SLX4IP: variants seen among roughly 807,000 people sequenced by gnomAD.
SLX4IP encodes protein SLX4IP.
In SLX4IP, 34 loss-of-function variants were observed where a neutral mutation model predicts 32.9. That is an observed-to-expected ratio of 1.03 (90% CI 0.79 to 1.38). The LOEUF is 1.38. Among genes scored for constraint, SLX4IP ranks in the 40% most tolerant of loss-of-function variants. The pLI, the probability that SLX4IP is intolerant of heterozygous loss-of-function variation, is 0.00. For missense variants in SLX4IP, 444 were observed against 479.0 expected (o/e 0.93, Z 0.68); for synonymous variants, 172 against 171.7 (o/e 1.00, Z -0.01).
At position 10,493,859 on chromosome 20, in the gene SLX4IP, C is replaced by CTTTTTTTTTT. The variant is rs58299545; in HGVS notation, c.27+35641_27+35650dup. ...ACTGAAGTGTTTTTTTTATAGTTGC[C>CTTTTTTTTTT]TTTTTTTTTTTTTTTTTTTTTTGAG... On this transcript the variant is annotated intron_variant, in intron 2 of 7. Transcript: ENST00000334534. 1.7e-3 allele frequency among the ~76,000 whole-genome samples: 122 copies of CTTTTTTTTTT among 70,540 alleles called. 7 individuals are homozygous for CTTTTTTTTTT. The highest frequency in any genetic ancestry group is 5.1e-3 in the East Asian group (12 of 2,360). The allele number at this position is 70,540 out of a possible 152,430, so 46.3% of individuals were successfully genotyped here.
At chr20:10,447,368 C>CTT (rs768791902) in intron 1 of SLX4IP, among the ~76,000 whole-genome samples, 1 of 152,030 alleles carries the variant, frequency 6.6e-6, no homozygotes, top group African/African-American at 2.4e-5. Context: ...GTGTCTTGAT[C>CTT]TTTTTTAGTC....
chr20:10,445,957 T>TTA (rs1568684325), intron 1 of SLX4IP, among the ~76,000 whole-genome samples: 1 of 142,952 alleles, frequency 7.0e-6, no homozygotes, highest in African/African-American at 2.6e-5. Flanking sequence ...TTTTTTTTTT[T>TTA]AACTCAGCCT....
At chr20:10,436,495 T>C (rs1453530987) in intron 1 of SLX4IP, among the ~76,000 whole-genome samples, 1 of 152,110 alleles carries the variant, frequency 6.6e-6, no homozygotes, top group Non-Finnish European at 1.5e-5. Context: ...TAGCTGGGAT[T>C]ACAGGCGCGC....
intron 2 of SLX4IP, among the ~76,000 whole-genome samples, chr20:10,513,866 C>T (rs1326589962): frequency 2.6e-5 from 4 of 152,194 alleles, no homozygotes; most frequent in Admixed American, 2.6e-4. Context: ...GAGAGTGGCC[C>T]ACACTAGTCT....
chr20:10,468,259 C>G (rs1283325962), intron 2 of SLX4IP, among the ~76,000 whole-genome samples: 3 of 152,172 alleles, frequency 2.0e-5, no homozygotes, highest in African/African-American at 4.8e-5. Flanking sequence ...CTTAGAAATT[C>G]AAGCCTTTAT....
intron 3 of SLX4IP, among the ~76,000 whole-genome samples, chr20:10,559,286 T>C (rs2066305515): frequency 6.6e-6 from 1 of 152,238 alleles, no homozygotes; most frequent in Admixed American, 6.5e-5. Flanking sequence ...GTTTGTACTT[T>C]ATCTAGAAAC....
At chr20:10,438,484 T>G (rs1032479566) in intron 1 of SLX4IP, among the ~76,000 whole-genome samples, 1 of 146,612 alleles carries the variant, frequency 6.8e-6, no homozygotes, top group Non-Finnish European at 1.5e-5. Flanking sequence ...TTTTTTTTTT[T>G]TTTTTTTTTT....
intron 2 of SLX4IP, among the ~76,000 whole-genome samples, chr20:10,488,137 C>CA: frequency 6.6e-6 from 1 of 152,226 alleles, no homozygotes; most frequent in Non-Finnish European, 1.5e-5. Flanking sequence ...TATCCCTTCC[C>CA]AAAAATGTAT....
rs367645432 is a variant in SLX4IP, at chr20:10,445,562, G to A, written c.-30+10109G>A. Among the ~76,000 whole-genome samples the A allele has an allele frequency of 5.7e-4, 85 of 149,884 alleles. No individual in the cohort carries two copies. In the South Asian group the frequency reaches 0.011, roughly 20 times the overall value. On this transcript the variant is annotated intron_variant, in intron 1 of 7. Coordinates refer to ENST00000334534, the MANE Select transcript of SLX4IP (RefSeq NM_001009608.3). ...GAACTCCTGACCTCATGATCCGCCC[G>A]CCTCAGCCTCCCAAAGTGCTGGGAT...
At chr20:10,464,343 C>T (rs2065363022) in intron 2 of SLX4IP, among the ~76,000 whole-genome samples, 1 of 151,956 alleles carries the variant, frequency 6.6e-6, no homozygotes, top group African/African-American at 2.4e-5. Context: ...TTTGATATGT[C>T]GTTTTAATAT....
intron 4 of SLX4IP, among the ~76,000 whole-genome samples, chr20:10,598,213 A>C (rs1380404776): frequency 6.6e-6 from 1 of 152,166 alleles, no homozygotes; most frequent in African/African-American, 2.4e-5. Flanking sequence ...CAAGATAGTA[A>C]TGTTCACCCT....
chr20:10,544,839 AT>A (rs1486437979), intron 2 of SLX4IP, among the ~76,000 whole-genome samples: 1 of 152,182 alleles, frequency 6.6e-6, no homozygotes, highest in Non-Finnish European at 1.5e-5. Context: ...GTGAAACTTC[AT>A]CAGGTATTTT....
intron 2 of SLX4IP, among the ~76,000 whole-genome samples, chr20:10,538,825 C>T (rs962553949): frequency 6.6e-6 from 1 of 152,198 alleles, no homozygotes; most frequent in Non-Finnish European, 1.5e-5. Flanking sequence ...CCGCACCAGA[C>T]CTTCTTTGGC....
intron 6 of SLX4IP, chr20:10,613,397 T>A: frequency 6.6e-7 from 1 of 1,523,252 alleles, no homozygotes. Context: ...TACAATGGCA[T>A]CAATTTACAC....
At position 10,622,889 on chromosome 20, in the gene SLX4IP, C is replaced by T. The variant is rs751759505; in HGVS notation, c.737C>T (p.Thr246Ile). 4.3e-6 allele frequency: 7 copies of T among 1,613,988 alleles called. No individual in the cohort carries two copies. The highest frequency in any genetic ancestry group is 1.7e-4 in the Middle Eastern group (1 of 6,060). ...PVQKLEKVNQ[T>I]QPEDTSGQQK... ...CAAAAGCTGGAAAAAGTTAATCAGACCCAGCCAGAAGACACTAGTGGCCAG... is the reference window on the plus strand; with the variant it reads ...CAAAAGCTGGAAAAAGTTAATCAGATCCAGCCAGAAGACACTAGTGGCCAG... The change falls in exon 8 of 8, where the codon ACC (threonine) becomes ATC (isoleucine). Residue 246 changes from threonine (T) to isoleucine (I), a missense_variant. Coordinates refer to ENST00000334534, the MANE Select transcript of SLX4IP (RefSeq NM_001009608.3).
At chr20:10,510,600 A>T (rs548739136) in intron 2 of SLX4IP, among the ~76,000 whole-genome samples, 173 of 132,684 alleles carry the variant, frequency 1.3e-3, no homozygotes, top group African/African-American at 4.1e-3. Flanking sequence ...TATTATTATT[A>T]TTTTTATTAT....
chr20:10,574,547 A>G (rs2066502155), intron 4 of SLX4IP, among the ~76,000 whole-genome samples: 1 of 152,106 alleles, frequency 6.6e-6, no homozygotes, highest in Non-Finnish European at 1.5e-5. Context: ...TTACTTTTGC[A>G]TCTGCTTGGG....
At chr20:10,509,127 C>T (rs564887204) in intron 2 of SLX4IP, among the ~76,000 whole-genome samples, 38 of 152,294 alleles carry the variant, frequency 2.5e-4, no homozygotes, top group Non-Finnish European at 4.0e-4. Context: ...CTACCCACAA[C>T]GTCTGACCTA....
intron 4 of SLX4IP, among the ~76,000 whole-genome samples, chr20:10,583,895 T>G (rs2066615093): frequency 6.6e-6 from 1 of 152,182 alleles, no homozygotes; most frequent in Non-Finnish European, 1.5e-5. Flanking sequence ...ATTCAGGCAA[T>G]TAAGATAAAA....
Sources: gnomAD v4.1 joint callset for allele counts (sites outside exome capture counted in the v4.1 genomes callset) on GRCh38, gnomAD v4.1.1 for gene constraint, MANE v1.5 for transcripts, NCBI Gene and HGNC (gene_info 2026-07-23, HGNC 2026-07-21) for gene names.